TFB2M: variants seen among roughly 807,000 people sequenced by gnomAD.
TFB2M encodes the protein transcription factor B2, mitochondrial, also known as dimethyladenosine transferase 2, mitochondrial.
A neutral mutation model predicts 41.3 loss-of-function variants in TFB2M; 44 were observed. That is an observed-to-expected ratio of 1.07 (90% CI 0.84 to 1.37). TFB2M has a LOEUF of 1.37. TFB2M is among the 40% of genes most tolerant of loss of function. The probability of loss-of-function intolerance (pLI) is 0.00; values close to 1 mark genes in which losing one functional copy is unlikely to be tolerated. For missense variants in TFB2M, 496 were observed against 490.2 expected (o/e 1.01, Z -0.11); for synonymous variants, 188 against 176.8 (o/e 1.06, Z -0.50).
intron 7 of TFB2M, among the ~76,000 whole-genome samples, chr1:246,543,801 A>ATATAAATATAAAATTTTTATATTTT (rs1658926287): frequency 6.6e-6 from 1 of 151,942 alleles, no homozygotes; most frequent in African/African-American, 2.4e-5. Flanking sequence ...TAAACACAAA[A>ATATAAATATAAAATTTTTATATTTT]TATAAATATA....
intron 6 of TFB2M, among the ~76,000 whole-genome samples, chr1:246,544,951 G>GCCC (rs1558508604): frequency 6.6e-6 from 1 of 151,988 alleles, no homozygotes. Context: ...GACTACAGGC[G>GCCC]CCCACCACCA....
intron 4 of TFB2M, 145 bp from the exon 5 acceptor site, chr1:246,551,447 C>T (rs1251186801): frequency 9.8e-6 from 6 of 610,390 alleles, no homozygotes; most frequent in South Asian, 4.1e-5. Flanking sequence ...CCGGGTGCAG[C>T]GGTGCACGCC....
At chr1:246,550,744 G>A (rs546982400) in intron 5 of TFB2M, among the ~76,000 whole-genome samples, 117 of 152,358 alleles carry the variant, frequency 7.7e-4, no homozygotes, top group Admixed American at 8.5e-4. Flanking sequence ...TTAGCAAGGT[G>A]TGGCGGTGCA....
At chr1:246,542,787 C>T (rs1392486026) in intron 7 of TFB2M, among the ~76,000 whole-genome samples, 2 of 151,966 alleles carry the variant, frequency 1.3e-5, no homozygotes. Flanking sequence ...ACATTTATTC[C>T]TTATTTCCCT....
chr1:246,548,936 A>C (rs959732373), intron 5 of TFB2M, among the ~76,000 whole-genome samples: 1 of 152,268 alleles, frequency 6.6e-6, no homozygotes, highest in Non-Finnish European at 1.5e-5. Flanking sequence ...AGTTTAAGGG[A>C]TATTAGATTA....
chr1:246,560,383 T>A (rs942067501), intron 2 of TFB2M, among the ~76,000 whole-genome samples: 1 of 151,848 alleles, frequency 6.6e-6, no homozygotes, highest in South Asian at 2.1e-4. Context: ...ATCAGCCAGG[T>A]GTGGGGGCGT....
intron 7 of TFB2M, among the ~76,000 whole-genome samples, chr1:246,544,190 C>T (rs3124118): frequency 0.27 from 40,632 of 152,020 alleles, 5,946 homozygotes; most frequent in Middle Eastern, 0.41. Flanking sequence ...AGTGTGGGCA[C>T]GCCTCCAGTA....
intron 7 of TFB2M, 147 bp downstream of exon 7, chr1:246,544,374 C>G (rs376809766): frequency 2.8e-6 from 2 of 703,156 alleles, no homozygotes; most frequent in African/African-American, 3.7e-5. Flanking sequence ...AAAATGTACA[C>G]CAGGGAGAAC....
intron 4 of TFB2M, among the ~76,000 whole-genome samples, chr1:246,551,773 A>G (rs1443515852): frequency 2.0e-5 from 3 of 152,254 alleles, no homozygotes; most frequent in Non-Finnish European, 2.9e-5. Flanking sequence ...TCCGCAGACA[A>G]GAAACCACAT....
chr1:246,548,877 T>C (rs2102985510), intron 5 of TFB2M, among the ~76,000 whole-genome samples: 1 of 152,336 alleles, frequency 6.6e-6, no homozygotes, highest in Admixed American at 6.5e-5. Context: ...AATAAGTATT[T>C]GTTATAATTT....
intron 7 of TFB2M, among the ~76,000 whole-genome samples, chr1:246,541,614 C>G (rs1658860180): frequency 6.6e-6 from 1 of 152,164 alleles, no homozygotes; most frequent in South Asian, 2.1e-4. Context: ...CATAGCTAAC[C>G]TATAATGAAA....
At chr1:246,551,189 T>C in intron 5 of TFB2M, 24 bp downstream of exon 5, 3 of 1,596,776 alleles carry the variant, frequency 1.9e-6, no homozygotes, top group Non-Finnish European at 2.6e-6. Context: ...GAAAAACGTT[T>C]TTAAACAGAA....
In TFB2M at chr1:246,550,584, T is replaced by C. The variant is rs1330080068; in HGVS notation, c.795+629A>G. ...CACGTGAAGATCCACATTGTAAATA[T>C]TTAAAAATTAGAGCCAGGGCCAGGC... is the stretch of plus-strand genomic sequence containing the variant. On this transcript the variant is annotated intron_variant, in intron 5 of 7. Coordinates refer to ENST00000366514, the MANE Select transcript of TFB2M (RefSeq NM_022366.3). 3.9e-5 allele frequency among the ~76,000 whole-genome samples: 6 copies of C among 152,248 alleles called. 1 individual carries two copies. In the Middle Eastern group the frequency reaches 0.014, roughly 345 times the overall value.
chr1:246,556,639 G>A lies in TFB2M; in HGVS notation c.639C>T (p.Ser213=), dbSNP rs1251778507. ...GTCCAAATTTATATATAGAAGTACA[G>A]GAATACAAGTCATATGCGAGTTTCC... is the stretch of plus-strand genomic sequence containing the variant. ...ALWKLAYDLY[S]CTSIYKFGRI... is the part of the protein sequence containing the mutation. Residue 213 remains serine, a synonymous_variant, in exon 4 of 8, where the codon TCC becomes TCT. Coordinates refer to ENST00000366514, the MANE Select transcript of TFB2M (RefSeq NM_022366.3). 6.4e-7 allele frequency: 1 copy of A among 1,574,076 alleles called. No individual in the cohort carries two copies. Among genetic ancestry groups the A allele is most frequent in the Non-Finnish European group, 8.6e-7 (1 of 1,164,418 alleles).
At chr1:246,554,879 T>C (rs1413128561) in intron 4 of TFB2M, among the ~76,000 whole-genome samples, 7 of 152,118 alleles carry the variant, frequency 4.6e-5, no homozygotes. Context: ...TGAAAAACTT[T>C]GGGCATCAAA....
At chr1:246,544,772 G>A in intron 6 of TFB2M, 91 bp from the exon 7 acceptor site, 1 of 1,154,922 alleles carries the variant, frequency 8.7e-7, no homozygotes, top group Non-Finnish European at 1.2e-6. Flanking sequence ...TCTGCTGAAA[G>A]ACACAATCAC....
chr1:246,541,346 G>A, intron 7 of TFB2M, 144 bp from the exon 8 acceptor site: 1 of 744,458 alleles, frequency 1.3e-6, no homozygotes, highest in Non-Finnish European at 2.1e-6. Flanking sequence ...AGAATCAGCA[G>A]GGAAGAGGAT....
At chr1:246,557,244 G>A in intron 3 of TFB2M, 137 bp downstream of exon 3, 1 of 999,676 alleles carries the variant, frequency 1.0e-6, no homozygotes, top group Non-Finnish European at 1.5e-6. Flanking sequence ...CTGCACTCCA[G>A]CCTGGGTGAC....
chr1:246,554,002 T>A (rs1290989140), intron 4 of TFB2M, among the ~76,000 whole-genome samples: 1 of 152,162 alleles, frequency 6.6e-6, no homozygotes, highest in African/African-American at 2.4e-5. Flanking sequence ...AATATTTAGA[T>A]CAATAGAATA....
Sources: allele counts gnomAD v4.1 joint callset (sites outside exome capture counted in the v4.1 genomes callset), GRCh38; gene constraint gnomAD v4.1.1; transcripts MANE v1.5; gene names NCBI Gene and HGNC (gene_info 2026-07-23, HGNC 2026-07-21).